The following IPO11 variants were observed in gnomAD, a reference collection of about 807,000 sequenced individuals.
IPO11 encodes the protein importin 11.
A neutral mutation model predicts 143.2 loss-of-function variants in IPO11; 66 were observed. The observed-to-expected ratio is 0.46, with a 90% confidence interval of 0.38 to 0.57. The LOEUF is 0.57. Among genes scored for constraint, IPO11 ranks in the 20% least tolerant of loss-of-function variants. The pLI, the probability that IPO11 is intolerant of heterozygous loss-of-function variation, is 0.00. For missense variants in IPO11, 1,026 were observed against 1,141.0 expected (o/e 0.90, Z 1.45); for synonymous variants, 385 against 377.8 (o/e 1.02, Z -0.22).
intron 9 of IPO11, among the ~76,000 whole-genome samples, chr5:62,477,067 G>A (rs186365424): frequency 9.2e-5 from 14 of 152,242 alleles, no homozygotes; most frequent in Non-Finnish European, 1.8e-4. Context: ...AAAGAAGATA[G>A]CAGTGCAGTT....
rs558225743 is a variant in IPO11, at chr5:62,435,675, A to G, written c.-6-1599A>G. Among the ~76,000 whole-genome samples, 7 of 151,614 alleles carry G rather than the reference A, an allele frequency of 4.6e-5. No individual in the cohort carries two copies. In the South Asian group the frequency reaches 1.5e-3, roughly 32 times the overall value. On this transcript the variant is annotated intron_variant, in intron 1 of 29. Transcript: ENST00000325324. ...GGCAGGCAGAGGTTGCAGTGAGCCG[A>G]GATCGTGCCACTGCACTCCAGCCTG...
In IPO11 at chr5:62,514,475, G is replaced by T. The variant is rs531416465; in HGVS notation, c.1783-913G>T. 4.0e-5 allele frequency among the ~76,000 whole-genome samples: 6 copies of T among 151,822 alleles called. No homozygotes were observed. In the South Asian group the frequency reaches 1.2e-3, roughly 32 times the overall value. ...GGCGTGGCGGCGCACGCCTGCAATC[G>T]CAGGCACTTGGCAGGCTGAGGCAGG... On this transcript the variant is annotated intron_variant, in intron 19 of 29. Coordinates refer to ENST00000325324, the MANE Select transcript of IPO11 (RefSeq NM_016338.5).
At chr5:62,611,422 A>G (rs764060774) in intron 29 of IPO11, among the ~76,000 whole-genome samples, 3 of 152,212 alleles carry the variant, frequency 2.0e-5, no homozygotes, top group Non-Finnish European at 4.4e-5. Context: ...AAGATCCTTC[A>G]CAGTAGGCTA....
intron 1 of IPO11, among the ~76,000 whole-genome samples, chr5:62,429,587 CGTGTGTGTGTGTGT>C (rs56185914): frequency 1.3e-4 from 17 of 128,576 alleles, no homozygotes; most frequent in African/African-American, 3.2e-4. Flanking sequence ...GTCTGATTTT[CGTGTGTGTGTGTGT>C]GTGTGTGTGT....
At chr5:62,599,090 C>G (rs1468079869) in intron 28 of IPO11, among the ~76,000 whole-genome samples, 4 of 152,148 alleles carry the variant, frequency 2.6e-5, no homozygotes, top group African/African-American at 9.7e-5. Flanking sequence ...GTGAGACATG[C>G]AGATTCTCAG....
At chr5:62,568,420 A>C (rs1744027447) in intron 27 of IPO11, among the ~76,000 whole-genome samples, 1 of 151,558 alleles carries the variant, frequency 6.6e-6, no homozygotes, top group African/African-American at 2.4e-5. Context: ...TAAAAATACA[A>C]AAAATTAGCA....
At chr5:62,513,216 G>A (rs1188694957) in intron 19 of IPO11, among the ~76,000 whole-genome samples, 5 of 151,708 alleles carry the variant, frequency 3.3e-5, no homozygotes, top group Non-Finnish European at 4.4e-5. Context: ...GCGGGGCGCT[G>A]ACCCCCCCAT....
chr5:62,581,140 G>T, intron 27 of IPO11: 1 of 1,550,734 alleles, frequency 6.4e-7, no homozygotes. Flanking sequence ...AAATAGACTT[G>T]AATACTACAG....
At chr5:62,561,869 T>G (rs1287967981) in intron 27 of IPO11, 1 of 152,230 alleles carries the variant, frequency 6.6e-6, no homozygotes, top group East Asian at 1.9e-4. Context: ...TAGTTCTCAT[T>G]CATGCTGTGT....
At chr5:62,564,607 G>A (rs919774452) in intron 27 of IPO11, among the ~76,000 whole-genome samples, 2 of 152,074 alleles carry the variant, frequency 1.3e-5, no homozygotes, top group African/African-American at 4.8e-5. Flanking sequence ...AGGGTGTCCT[G>A]TGCATTGTAG....
chr5:62,608,986 G>C (rs928609524), intron 29 of IPO11, among the ~76,000 whole-genome samples: 1 of 152,176 alleles, frequency 6.6e-6, no homozygotes, highest in Non-Finnish European at 1.5e-5. Context: ...ATGTTATGCA[G>C]TAGGACTCAT....
At chr5:62,497,888 C>T (rs1269155117) in intron 16 of IPO11, among the ~76,000 whole-genome samples, 1 of 152,210 alleles carries the variant, frequency 6.6e-6, no homozygotes, top group African/African-American at 2.4e-5. Flanking sequence ...TACAGTGATT[C>T]ACTGAATAAT....
intron 26 of IPO11, among the ~76,000 whole-genome samples, chr5:62,552,209 T>C (rs1743412135): frequency 6.6e-6 from 1 of 152,164 alleles, no homozygotes; most frequent in South Asian, 2.1e-4. Flanking sequence ...ATTTATAAGA[T>C]GTTGAAGATA....
At chr5:62,617,100 T>A (rs1410767659) in intron 29 of IPO11, among the ~76,000 whole-genome samples, 1 of 152,192 alleles carries the variant, frequency 6.6e-6, no homozygotes. Flanking sequence ...TGCTCAGTGA[T>A]CTTGCTTCTT....
At position 62,537,962 on chromosome 5, in the gene IPO11, T is replaced by A. The variant is rs185474225; in HGVS notation, c.2250+673T>A. 2.0e-3 allele frequency among the ~76,000 whole-genome samples: 307 copies of A among 152,286 alleles called. 1 individual carries two copies. The highest frequency in any genetic ancestry group is 7.2e-3 in the African/African-American group (299 of 41,572). The stretch of plus-strand genomic sequence containing the variant: ...GGGTGCAGCAAACCAACACAGCACA[T>A]GTATACATACGTAACAAACCTGCAC... On this transcript the variant is annotated intron_variant, in intron 24 of 29. Transcript: ENST00000325324.
chr5:62,514,173 CA>C (rs1741911994), intron 19 of IPO11, among the ~76,000 whole-genome samples: 1 of 151,986 alleles, frequency 6.6e-6, no homozygotes, highest in Non-Finnish European at 1.5e-5. Flanking sequence ...AGACGCTCCT[CA>C]CTTCCCAGAC....
At position 62,537,323 on chromosome 5, in the gene IPO11, A is replaced by C. The variant is rs761324171; in HGVS notation, c.2250+34A>C. The C allele has an allele frequency of 2.3e-6, 3 of 1,286,680 alleles. No individual in the cohort carries two copies. In the South Asian group the frequency reaches 3.8e-5, roughly 16 times the overall value. The allele number at this position is 1,286,680 out of a possible 1,614,324, so 79.7% of individuals were successfully genotyped here. On this transcript the variant is annotated intron_variant, in intron 24 of 29. Coordinates refer to ENST00000325324, the MANE Select transcript of IPO11 (RefSeq NM_016338.5). ...ATCATTTTAAATGAATATATTTATG[A>C]ATTTTTCATTTATATTTTATGAAAT...
intron 19 of IPO11, among the ~76,000 whole-genome samples, chr5:62,507,397 T>A (rs187798512): frequency 8.1e-4 from 123 of 152,324 alleles, no homozygotes; most frequent in Admixed American, 3.3e-3. Flanking sequence ...TGATGGTGTT[T>A]TTTTCAACAA....
At chr5:62,414,013 C>T (rs1350865942) in intron 1 of IPO11, among the ~76,000 whole-genome samples, 1 of 152,084 alleles carries the variant, frequency 6.6e-6, no homozygotes, top group Non-Finnish European at 1.5e-5. Flanking sequence ...ATAGTAGAAA[C>T]AATTAATTAT....
Sources: gnomAD v4.1 joint callset for allele counts (sites outside exome capture counted in the v4.1 genomes callset) on GRCh38, gnomAD v4.1.1 for gene constraint, MANE v1.5 for transcripts, NCBI Gene and HGNC (gene_info 2026-07-23, HGNC 2026-07-21) for gene names.